The following SEMA5A variants were observed in gnomAD, a reference collection of about 807,000 sequenced individuals.
SEMA5A encodes semaphorin-5A.
A neutral mutation model predicts 135.5 loss-of-function variants in SEMA5A; 55 were observed. That is an observed-to-expected ratio of 0.41 (90% CI 0.33 to 0.51). The LOEUF (loss-of-function observed/expected upper bound fraction) is 0.51, where lower values mean the gene tolerates loss of function less well. Among genes scored for constraint, SEMA5A ranks in the 20% least tolerant of loss-of-function variants. SEMA5A has a pLI of 0.37. For missense variants in SEMA5A, 1,290 were observed against 1,419.9 expected (o/e 0.91, Z 1.47); for synonymous variants, 580 against 546.5 (o/e 1.06, Z -0.85).
intron 3 of SEMA5A, among the ~76,000 whole-genome samples, chr5:9,359,893 G>T (rs949766945): frequency 2.6e-5 from 4 of 152,176 alleles, no homozygotes; most frequent in African/African-American, 7.2e-5. Context: ...ATTCAGAACT[G>T]CAATGATAAA....
At chr5:9,282,805 A>G (rs1750609600) in intron 5 of SEMA5A, among the ~76,000 whole-genome samples, 2 of 152,166 alleles carry the variant, frequency 1.3e-5, no homozygotes, top group Non-Finnish European at 2.9e-5. Flanking sequence ...TAGGCAAAGT[A>G]GAGTCCCACT....
At chr5:9,466,599 T>G (rs1759271011) in intron 1 of SEMA5A, among the ~76,000 whole-genome samples, 1 of 152,164 alleles carries the variant, frequency 6.6e-6, no homozygotes, top group South Asian at 2.1e-4. Flanking sequence ...GGAAACTAGA[T>G]TCGTGTATTT....
chr5:9,039,151 T>C lies in SEMA5A; in HGVS notation c.*3746A>G, dbSNP rs1416487445. On this transcript the variant is annotated 3_prime_UTR_variant, in exon 23 of 23. Coordinates refer to ENST00000382496, the MANE Select transcript of SEMA5A (RefSeq NM_003966.3). ...TTTTGCAGATAAATAAGGAAGTAAG[T>C]ACACCTTTGGCTAAAACTCTGGCAC... 1 of 152,282 alleles carries C rather than the reference T, an allele frequency of 6.6e-6. No individual in the cohort carries two copies. The highest frequency in any genetic ancestry group is 2.4e-5 in the African/African-American group (1 of 41,460). 9.4% of individuals were successfully genotyped at this position (152,282 alleles called of 1,614,324 possible). A position where few individuals can be genotyped will look rare whatever the true frequency, so the allele number is the denominator to read the frequency against.
intron 16 of SEMA5A, among the ~76,000 whole-genome samples, chr5:9,097,821 A>G (rs1308576909): frequency 6.6e-6 from 1 of 152,246 alleles, no homozygotes; most frequent in Admixed American, 6.5e-5. Flanking sequence ...CTATACAAAG[A>G]TGCAAATGAA....
intron 6 of SEMA5A, among the ~76,000 whole-genome samples, chr5:9,232,754 G>T (rs894525620): frequency 1.3e-5 from 2 of 151,936 alleles, no homozygotes; most frequent in Admixed American, 1.3e-4. Context: ...ATAAAATTAG[G>T]TGTGCATAAT....
At position 9,204,146 on chromosome 5, in the gene SEMA5A, C is replaced by T. The variant is rs1232715272; in HGVS notation, c.647-1906G>A. Among the ~76,000 whole-genome samples the T allele has an allele frequency of 2.0e-5, 3 of 152,150 alleles. No individual in the cohort carries two copies. The highest frequency in any genetic ancestry group is 3.8e-4 in the East Asian group (2 of 5,202). On this transcript the variant is annotated intron_variant, in intron 8 of 22. Transcript: ENST00000382496. This position sits in a 1 kb window ranked among gnomAD's most constrained non-coding sequence, Gnocchi z 6.4. ...AGTCTAAATTATTTTGGAATGGGTC[C>T]TGCACCCTGGCTAAACAAAACTAGA...
At chr5:9,186,065 G>A (rs116292480) in intron 11 of SEMA5A, among the ~76,000 whole-genome samples, 15 of 152,260 alleles carry the variant, frequency 9.9e-5, no homozygotes, top group Admixed American at 3.9e-4. Context: ...ATGAGACTCC[G>A]TCACTAACAG....
intron 5 of SEMA5A, among the ~76,000 whole-genome samples, chr5:9,252,357 C>T (rs892540597): frequency 2.0e-5 from 3 of 152,120 alleles, no homozygotes; most frequent in Admixed American, 6.6e-5. Context: ...ATGGAAAACA[C>T]AAAAGTAAAC....
At chr5:9,168,998 A>G (rs1743764659) in intron 11 of SEMA5A, among the ~76,000 whole-genome samples, 1 of 152,168 alleles carries the variant, frequency 6.6e-6, no homozygotes, top group African/African-American at 2.4e-5. Context: ...CCTCTGCCAA[A>G]ACTGGAACCT....
intron 1 of SEMA5A, chr5:9,519,888 G>T (rs1426960395): frequency 6.6e-6 from 1 of 152,164 alleles, no homozygotes; most frequent in Non-Finnish European, 1.5e-5. Flanking sequence ...ATATTTCTCT[G>T]ATTGAAAACC....
intron 1 of SEMA5A, among the ~76,000 whole-genome samples, chr5:9,454,878 G>C (rs1253378317): frequency 6.6e-6 from 1 of 152,104 alleles, no homozygotes; most frequent in Non-Finnish European, 1.5e-5. Flanking sequence ...GTTGTCAAAA[G>C]AAAGTGAACA....
intron 8 of SEMA5A, among the ~76,000 whole-genome samples, chr5:9,221,854 C>T (rs545593679): frequency 1.8e-4 from 28 of 151,944 alleles, no homozygotes; most frequent in African/African-American, 6.3e-4. Context: ...ATTGAGAATC[C>T]CTGGGAGAGG....
Position 9,237,816 on chromosome 5 carries a change from C to A in SEMA5A, c.333+12G>T. 6.2e-7 allele frequency: 1 copy of A among 1,613,040 alleles called. No individual in the cohort carries two copies. Among genetic ancestry groups the A allele is most frequent in the Non-Finnish European group, 8.5e-7 (1 of 1,179,196 alleles). On this transcript the variant is annotated intron_variant, in intron 6 of 22. Coordinates refer to ENST00000382496, the MANE Select transcript of SEMA5A (RefSeq NM_003966.3). Reference sequence around the variant, plus strand: ...ACAGGGTGATGGCTGCTCATAATTGCATTCTTCTTACCTTTGATTTGCCTT... The same window carrying A: ...ACAGGGTGATGGCTGCTCATAATTGAATTCTTCTTACCTTTGATTTGCCTT...
intron 1 of SEMA5A, chr5:9,522,873 T>G (rs986175390): frequency 1.2e-4 from 19 of 152,254 alleles, no homozygotes; most frequent in African/African-American, 4.1e-4. Context: ...TGCACTGAGA[T>G]AGACGTGGCT....
chr5:9,268,133 G>A (rs1395513474), intron 5 of SEMA5A, among the ~76,000 whole-genome samples: 2 of 152,070 alleles, frequency 1.3e-5, no homozygotes, highest in African/African-American at 4.8e-5. Flanking sequence ...TGTAGGTAGT[G>A]CATTTAGCAC....
At chr5:9,265,613 A>G in intron 5 of SEMA5A, 1 of 452,736 alleles carries the variant, frequency 2.2e-6, no homozygotes, top group Non-Finnish European at 4.4e-6. Flanking sequence ...ATGTTCAGCT[A>G]TCCCCATAAC....
At chr5:9,320,046 A>T (rs1186552247) in intron 4 of SEMA5A, among the ~76,000 whole-genome samples, 2 of 152,152 alleles carry the variant, frequency 1.3e-5, no homozygotes, top group East Asian at 3.9e-4. Flanking sequence ...GCTCACATTC[A>T]GGTAGTCTCA....
intron 1 of SEMA5A, among the ~76,000 whole-genome samples, chr5:9,458,199 G>C (rs114563827): frequency 6.6e-6 from 1 of 151,050 alleles, no homozygotes; most frequent in Admixed American, 6.6e-5. Flanking sequence ...GAGCCACCGC[G>C]CCTGGCCCAG....
At chr5:9,302,313 C>T (rs1751649701) in intron 5 of SEMA5A, among the ~76,000 whole-genome samples, 1 of 152,156 alleles carries the variant, frequency 6.6e-6, no homozygotes, top group Non-Finnish European at 1.5e-5. Flanking sequence ...CTGCTCAAGT[C>T]ACAGGGAGTA....
Sources: gnomAD v4.1 joint callset for allele counts (sites outside exome capture counted in the v4.1 genomes callset) on GRCh38, gnomAD v4.1.1 for gene constraint, Gnocchi (gnomAD v3.1) non-coding constraint, MANE v1.5 for transcripts, NCBI Gene and HGNC (gene_info 2026-07-23, HGNC 2026-07-21) for gene names.